GUCY1B1: variants seen among roughly 807,000 people sequenced by gnomAD.
GUCY1B1 encodes the protein guanylate cyclase 1 soluble subunit beta 1, also known as guanylate cyclase soluble subunit beta-1.
In GUCY1B1, 43 loss-of-function variants were observed where a neutral mutation model predicts 71.0. That is an observed-to-expected ratio of 0.61 (90% CI 0.47 to 0.78). The LOEUF is 0.78. Among genes scored for constraint, GUCY1B1 ranks in the 30% least tolerant of loss-of-function variants. GUCY1B1 has a pLI of 0.00. For missense variants in GUCY1B1, 535 were observed against 754.1 expected (o/e 0.71, Z 3.40); for synonymous variants, 266 against 259.7 (o/e 1.02, Z -0.23).
chr4:155,789,986 C>A lies in GUCY1B1; in HGVS notation c.495+75C>A, dbSNP rs540542909. On this transcript the variant is annotated intron_variant, in intron 5 of 13. Coordinates refer to ENST00000264424, the MANE Select transcript of GUCY1B1 (RefSeq NM_000857.5). ...TTTTAAATGACACTCTCTAAATTTA[C>A]CTGCAGTTATCACTGTTAGTGCTCT... 7 of 955,858 alleles carry A rather than the reference C, an allele frequency of 7.3e-6. No homozygotes were observed. The African/African-American group carries it at 9.7e-5, about 13-fold the overall frequency. The allele number at this position is 955,858 out of a possible 1,614,324, so 59.2% of individuals were successfully genotyped here.
At chr4:155,769,816 A>C (rs570690607) in intron 2 of GUCY1B1, among the ~76,000 whole-genome samples, 1 of 152,260 alleles carries the variant, frequency 6.6e-6, no homozygotes, top group East Asian at 1.9e-4. Context: ...ATGTAAAATA[A>C]GTACAATTTA....
At chr4:155,806,230 G>C (rs1186588623) in intron 13 of GUCY1B1, among the ~76,000 whole-genome samples, 156 bp from the exon 14 acceptor site, 1 of 152,044 alleles carries the variant, frequency 6.6e-6, no homozygotes, top group Admixed American at 6.6e-5. Context: ...TTAGTCGTGC[G>C]GTCCTGTTTT....
In GUCY1B1 at chr4:155,759,309, G is replaced by A. The variant is rs933146206; in HGVS notation, c.3+166G>A. On this transcript the variant is annotated intron_variant, in intron 1 of 13. Transcript: ENST00000264424. ...GCCCGCGCCCAGTCAGGGGAGGTGG[G>A]AACGCCGCGAGTCGTGGCGGGGGCG... The A allele has an allele frequency of 9.2e-6, 6 of 653,564 alleles. No homozygotes were observed. In the African/African-American group the frequency reaches 9.6e-5, roughly 11 times the overall value. 40.5% of individuals were successfully genotyped at this position (653,564 alleles called of 1,614,324 possible). A position where few individuals can be genotyped will look rare whatever the true frequency, so the allele number is the denominator to read the frequency against.
At chr4:155,803,282 C>A (rs911899087) in intron 10 of GUCY1B1, among the ~76,000 whole-genome samples, 1 of 152,158 alleles carries the variant, frequency 6.6e-6, no homozygotes, top group African/African-American at 2.4e-5. Flanking sequence ...GCTCTCCATG[C>A]CGTCAAGCCA....
chr4:155,803,488 G>T lies in GUCY1B1; in HGVS notation c.1414-136G>T, dbSNP rs144190657. On this transcript the variant is annotated intron_variant, in intron 10 of 13. Coordinates refer to ENST00000264424, the MANE Select transcript of GUCY1B1 (RefSeq NM_000857.5). ...CATTTTGTTGGAGTTGAATATATTA[G>T]AATTTTAAGAGAATTAAAGGGGGAG... is the stretch of plus-strand genomic sequence containing the variant. The T allele has an allele frequency of 8.1e-6, 4 of 491,048 alleles. No homozygotes were observed. The East Asian group carries it at 1.4e-4, about 17-fold the overall frequency. 30.4% of individuals were successfully genotyped at this position (491,048 alleles called of 1,614,324 possible).
intron 2 of GUCY1B1, among the ~76,000 whole-genome samples, chr4:155,770,510 T>C (rs531552267): frequency 6.6e-6 from 1 of 152,320 alleles, no homozygotes; most frequent in South Asian, 2.1e-4. Flanking sequence ...TCTACTAGCT[T>C]CAAAGGCCAT....
intron 7 of GUCY1B1, among the ~76,000 whole-genome samples, 162 bp from the exon 8 acceptor site, chr4:155,796,215 G>C (rs551867507): frequency 1.3e-5 from 2 of 152,320 alleles, no homozygotes; most frequent in East Asian, 3.9e-4. Context: ...CAGCCACTAG[G>C]CTTATTACAG....
At chr4:155,798,518 C>G (rs951369111) in intron 8 of GUCY1B1, among the ~76,000 whole-genome samples, 1 of 151,916 alleles carries the variant, frequency 6.6e-6, no homozygotes, top group African/African-American at 2.4e-5. Flanking sequence ...TAAAAGACAC[C>G]GTGTATTTCA....
chr4:155,777,910 T>C (rs1738166160), intron 4 of GUCY1B1, among the ~76,000 whole-genome samples: 1 of 152,234 alleles, frequency 6.6e-6, no homozygotes, highest in African/African-American at 2.4e-5. Flanking sequence ...AGGTGGTCTT[T>C]TGTGATCTGT....
intron 2 of GUCY1B1, among the ~76,000 whole-genome samples, chr4:155,769,995 T>C (rs1737591430): frequency 6.6e-6 from 1 of 152,168 alleles, no homozygotes; most frequent in Admixed American, 6.6e-5. Flanking sequence ...TGGCTGAATT[T>C]GGATAATTTA....
intron 6 of GUCY1B1, 102 bp from the exon 7 acceptor site, chr4:155,795,239 A>T: frequency 3.6e-6 from 2 of 558,038 alleles, no homozygotes; most frequent in Non-Finnish European, 6.3e-6. Flanking sequence ...ATAATTTTCT[A>T]GTTTTAAATA....
At chr4:155,761,469 T>C (rs902144652) in intron 2 of GUCY1B1, among the ~76,000 whole-genome samples, 1 of 152,224 alleles carries the variant, frequency 6.6e-6, no homozygotes, top group African/African-American at 2.4e-5. Context: ...GAATAAAAGA[T>C]GGCTATTATG....
chr4:155,798,642 C>A (rs1048437192), intron 8 of GUCY1B1, among the ~76,000 whole-genome samples: 1 of 152,096 alleles, frequency 6.6e-6, no homozygotes, highest in Non-Finnish European at 1.5e-5. Context: ...TGCAAAGTCA[C>A]CCCTTTTAAA....
At position 155,789,715 on chromosome 4, in the gene GUCY1B1, A is replaced by C; in HGVS notation, c.299A>C (p.Asn100Thr). Residue 100 changes from asparagine (N) to threonine (T), a missense_variant and splice_region_variant, in exon 5 of 14, where the codon AAC becomes ACC. Physicochemically the swap from Asn to Thr is moderately conservative, Grantham distance 65. Coordinates refer to ENST00000264424, the MANE Select transcript of GUCY1B1 (RefSeq NM_000857.5). ...LGSNVREFLQ[N>T]LDALHDHLAT... ...GTCTCCCTTTCTTCTTTGCTGCAGA[A>C]CCTTGATGCTCTGCACGACCACCTT... 1 of 1,571,780 alleles carries C rather than the reference A, an allele frequency of 6.4e-7. No homozygotes were observed. Among genetic ancestry groups the C allele is most frequent in the South Asian group, 1.1e-5 (1 of 87,508 alleles).
chr4:155,803,545 AAT>A, intron 10 of GUCY1B1, 77 bp from the exon 11 acceptor site: 1 of 1,028,608 alleles, frequency 9.7e-7, no homozygotes, highest in Non-Finnish European at 1.3e-6. Context: ...GACTTGAAAA[AAT>A]ATGTTTTTTG....
chr4:155,802,176 G>T lies in GUCY1B1; in HGVS notation c.1176-166G>T, dbSNP rs1739997216. ...TAATTTATGTTTTCTGTAAATCCTT[G>T]CTTATAAATACAGCTAATATTTGAT... On this transcript the variant is annotated intron_variant, in intron 9 of 13. Transcript: ENST00000264424. The surrounding 1 kb of genome is among the most constrained non-coding windows in gnomAD (Gnocchi z 4.3). 2 of 1,437,952 alleles carry T rather than the reference G, an allele frequency of 1.4e-6. No homozygotes were observed. The highest frequency in any genetic ancestry group is 2.9e-5 in the South Asian group (2 of 69,676). The allele number at this position is 1,437,952 out of a possible 1,614,324, so 89.1% of individuals were successfully genotyped here. A position where few individuals can be genotyped will look rare whatever the true frequency, so the allele number is the denominator to read the frequency against.
At chr4:155,789,134 T>G (rs1738990194) in intron 4 of GUCY1B1, among the ~76,000 whole-genome samples, 1 of 152,218 alleles carries the variant, frequency 6.6e-6, no homozygotes, top group African/African-American at 2.4e-5. Flanking sequence ...ACCTTGATGA[T>G]AGCATACTAA....
At chr4:155,778,875 A>G (rs948272863) in intron 4 of GUCY1B1, among the ~76,000 whole-genome samples, 2 of 152,170 alleles carry the variant, frequency 1.3e-5, no homozygotes, top group Admixed American at 6.5e-5. Flanking sequence ...AACTTATAGC[A>G]AAGTTTCAAC....
intron 11 of GUCY1B1, among the ~76,000 whole-genome samples, 169 bp downstream of exon 11, chr4:155,803,933 G>A (rs1740131076): frequency 6.6e-6 from 1 of 152,166 alleles, no homozygotes; most frequent in Non-Finnish European, 1.5e-5. Context: ...TAGACATGGA[G>A]ATTTATCTAC....
Sources: allele counts gnomAD v4.1 joint callset (sites outside exome capture counted in the v4.1 genomes callset), GRCh38; gene constraint gnomAD v4.1.1; non-coding constraint Gnocchi (gnomAD v3.1); transcripts MANE v1.5; gene names NCBI Gene and HGNC (gene_info 2026-07-23, HGNC 2026-07-21).